MSI1: variants seen among roughly 807,000 people sequenced by gnomAD.
MSI1 encodes the protein musashi RNA binding protein 1.
A neutral mutation model predicts 54.4 loss-of-function variants in MSI1; 15 were observed. The ratio of observed to expected loss-of-function variants is 0.28; its 90% CI spans 0.18 to 0.42. The LOEUF is 0.42. Ranked by LOEUF, MSI1 falls within the 20% of genes least tolerant of loss-of-function variation. The pLI is 1.00. For synonymous variants in MSI1, 200 were observed against 196.5 expected, an observed-to-expected ratio of 1.02 and a Z score of -0.15; for missense variants, 304 against 506.0, an observed-to-expected ratio of 0.60 and a Z score of 3.83.
At position 120,364,760 on chromosome 12, in the gene MSI1, A is replaced by G. The variant is rs777274233; in HGVS notation, c.268-5T>C. 4 of 1,599,740 alleles carry G rather than the reference A, an allele frequency of 2.5e-6. No individual in the cohort carries two copies. Among genetic ancestry groups the G allele is most frequent in the Non-Finnish European group, 3.4e-6 (4 of 1,173,304 alleles). On this transcript the variant is annotated splice_region_variant and splice_polypyrimidine_tract_variant and intron_variant, in intron 4 of 14. Transcript: ENST00000257552. ...GAAGGCCACCTTAGGGTCAATCTAC[A>G]AGAAAAGGGAGAGGTAGAAGGGGTC...
chr12:120,362,926 C>T, intron 6 of MSI1, 117 bp downstream of exon 6: 3 of 890,012 alleles, frequency 3.4e-6, no homozygotes, highest in Non-Finnish European at 5.5e-6. Context: ...CAGCAGGATC[C>T]AGCCCCACTC....
intron 11 of MSI1, 104 bp downstream of exon 11, chr12:120,351,240 G>A (rs940342901): frequency 7.3e-5 from 80 of 1,101,848 alleles, no homozygotes; most frequent in Non-Finnish European, 1.0e-4. Flanking sequence ...GAGGGCTGGC[G>A]GGCAGGAGAA....
At chr12:120,357,089 G>A in intron 8 of MSI1, 70 bp from the exon 9 acceptor site, 2 of 1,361,404 alleles carry the variant, frequency 1.5e-6, no homozygotes, top group East Asian at 2.3e-5. Flanking sequence ...TCCCTGGAAA[G>A]CCCCTTTATT....
chr12:120,350,048 A>T (rs1197394467), intron 11 of MSI1, among the ~76,000 whole-genome samples: 1 of 152,094 alleles, frequency 6.6e-6, no homozygotes, highest in African/African-American at 2.4e-5. Flanking sequence ...TCCGTAACAC[A>T]TGGTGCTCTG....
At position 120,351,389 on chromosome 12, in the gene MSI1, C is replaced by G. The variant is rs2136924805; in HGVS notation, c.745G>C (p.Glu249Gln). ...GGGGCGCTCGGGAGAGGGGTCCGCT[C>G]TACACGGAATTCTAAAATGAAACGT... ...YTYQFPEFRV[E>Q]RTPLPSAPVL... The change falls in exon 11 of 15, where the codon GAG becomes CAG. Residue 249 changes from glutamate (E) to glutamine (Q), a missense_variant. Glu to Gln is a conservative substitution (Grantham distance 29). Around this residue, in one of 4 missense-constraint regions of MSI1, gnomAD observed 147 missense variants for 231.5 expected, o/e 0.64. Transcript: ENST00000257552. 1.9e-6 allele frequency: 3 copies of G among 1,613,694 alleles called. No individual in the cohort carries two copies. Among genetic ancestry groups the G allele is most frequent in the Middle Eastern group, 1.7e-4 (1 of 6,026 alleles).
At chr12:120,364,276 C>G (rs1441113907) in intron 5 of MSI1, among the ~76,000 whole-genome samples, 2 of 152,170 alleles carry the variant, frequency 1.3e-5, no homozygotes, top group Non-Finnish European at 2.9e-5. Flanking sequence ...CCCTCTGCCT[C>G]TGCAAAGGGT....
In MSI1 at chr12:120,341,749, C is replaced by T. The variant is rs1484154506; in HGVS notation, c.*1378G>A. ...GGGCTGATAGGTTAAGCACCTCACA[C>T]AGACAATTAACTCTCCAAAGGTGGG... On this transcript the variant is annotated 3_prime_UTR_variant, in exon 15 of 15. Transcript: ENST00000257552. The T allele has an allele frequency of 2.6e-5, 4 of 151,522 alleles. No individual in the cohort carries two copies. Among genetic ancestry groups the T allele is most frequent in the African/African-American group, 7.3e-5 (3 of 40,986 alleles). The allele number at this position is 151,522 out of a possible 1,614,324, so 9.4% of individuals were successfully genotyped here.
chr12:120,357,154 G>A, intron 8 of MSI1, 135 bp from the exon 9 acceptor site: 2 of 777,440 alleles, frequency 2.6e-6, no homozygotes, highest in Non-Finnish European at 2.2e-6. Context: ...ACCACTGATG[G>A]AGCACTCACT....
chr12:120,357,208 A>G (rs1875206961), intron 8 of MSI1, among the ~76,000 whole-genome samples, 189 bp from the exon 9 acceptor site: 1 of 152,204 alleles, frequency 6.6e-6, no homozygotes, highest in Admixed American at 6.5e-5. Context: ...CAATCGTTCA[A>G]TGAATGCTTA....
Position 120,369,065 on chromosome 12 carries a change from G to T in MSI1, c.27C>A (p.Gly9=). 3.9e-6 allele frequency: 4 copies of T among 1,022,936 alleles called. No homozygotes were observed. The highest frequency in any genetic ancestry group is 4.7e-6 in the Non-Finnish European group (4 of 857,774). The allele number at this position is 1,022,936 out of a possible 1,614,324, so 63.4% of individuals were successfully genotyped here. The change falls in exon 1 of 15, where the codon GGC becomes GGA. Residue 9 remains glycine, a synonymous_variant. Coordinates refer to ENST00000257552, the MANE Select transcript of MSI1 (RefSeq NM_002442.4). ...CGTGCGGCGAGTCCGGGGAGGCGAG[G>T]CCGGGCTGGGGCGCGTCAGTCTCCA... METDAPQP[G]LASPDSPHDP...
chr12:120,349,746 T>C (rs550806825), intron 11 of MSI1, among the ~76,000 whole-genome samples: 13 of 152,374 alleles, frequency 8.5e-5, no homozygotes, highest in African/African-American at 2.9e-4. Context: ...ACTGTTGATC[T>C]TGTACCTACT....
At position 120,368,359 on chromosome 12, in the gene MSI1, G is replaced by A. The variant is rs1397818600; in HGVS notation, c.101-86C>T. 8 of 1,387,282 alleles carry A rather than the reference G, an allele frequency of 5.8e-6. No individual in the cohort carries two copies. The East Asian group carries it at 8.0e-5, about 14-fold the overall frequency. The allele number at this position is 1,387,282 out of a possible 1,614,324, so 85.9% of individuals were successfully genotyped here. Reference sequence around the variant, plus strand: ...CCTTTGCCCCCGGTGACCCCGGAGCGGCCCGGCCGCCCCCGCGCCAAGCTG... The same window carrying A: ...CCTTTGCCCCCGGTGACCCCGGAGCAGCCCGGCCGCCCCCGCGCCAAGCTG... On this transcript the variant is annotated intron_variant, in intron 2 of 14. Transcript: ENST00000257552. This position sits in a 1 kb window ranked among gnomAD's most constrained non-coding sequence, Gnocchi z 6.6.
intron 6 of MSI1, among the ~76,000 whole-genome samples, chr12:120,360,530 A>C (rs973299060): frequency 3.9e-5 from 6 of 152,020 alleles, no homozygotes; most frequent in Admixed American, 3.3e-4. Context: ...CTATGGACCC[A>C]CTCTGAGTCC....
At position 120,368,507 on chromosome 12, in the gene MSI1, G is replaced by C. The variant is rs1440007292; in HGVS notation, c.101-234C>G. On this transcript the variant is annotated intron_variant, in intron 2 of 14. Coordinates refer to ENST00000257552, the MANE Select transcript of MSI1 (RefSeq NM_002442.4). This position sits in a 1 kb window ranked among gnomAD's most constrained non-coding sequence, Gnocchi z 6.6. ...GCTGGGCTGGAAGGGGGACGGCTCC[G>C]GCCGGGTTCCCGCCGCTCCGGGAGC... 6.6e-6 allele frequency among the ~76,000 whole-genome samples: 1 copy of C among 152,124 alleles called. No individual in the cohort carries two copies. Among genetic ancestry groups the C allele is most frequent in the Admixed American group, 6.5e-5 (1 of 15,298 alleles).
chr12:120,340,924 C>T, downstream of MSI1, among the ~76,000 whole-genome samples: 1 of 138,840 alleles, frequency 7.2e-6, no homozygotes, highest in Admixed American at 7.8e-5. Flanking sequence ...GTCTCACTCT[C>T]ACCCAGGCTA....
chr12:120,346,087 C>A (rs1313187785), intron 13 of MSI1, 48 bp downstream of exon 13: 1 of 1,450,224 alleles, frequency 6.9e-7, no homozygotes, highest in East Asian at 2.5e-5. Context: ...TTGGGGGTCT[C>A]TCAAGGTGTG....
chr12:120,363,239 T>G, intron 5 of MSI1, 104 bp from the exon 6 acceptor site: 1 of 895,336 alleles, frequency 1.1e-6, no homozygotes, highest in Non-Finnish European at 1.8e-6. Context: ...ACAAGCTCTC[T>G]GTGGCCCCAG....
At chr12:120,346,804 C>T (rs1565883216) in intron 12 of MSI1, among the ~76,000 whole-genome samples, 1 of 152,336 alleles carries the variant, frequency 6.6e-6, no homozygotes, top group Non-Finnish European at 1.5e-5. Context: ...CTTCCCTCGC[C>T]TTTCCTAGAG....
chr12:120,349,668 A>G (rs1723450120), intron 11 of MSI1, among the ~76,000 whole-genome samples: 2 of 152,224 alleles, frequency 1.3e-5, no homozygotes, highest in South Asian at 4.1e-4. Context: ...TATCGAATGC[A>G]TGAAAAAACC....
Sources: allele counts gnomAD v4.1 joint callset (sites outside exome capture counted in the v4.1 genomes callset), GRCh38; gene constraint gnomAD v4.1.1; regional missense constraint gnomAD v4.1.1; non-coding constraint Gnocchi (gnomAD v3.1); transcripts MANE v1.5; gene names NCBI Gene and HGNC (gene_info 2026-07-23, HGNC 2026-07-21).